ZHX2: variants seen among roughly 807,000 people sequenced by gnomAD.
ZHX2 encodes the protein zinc fingers and homeoboxes 2, also known as zinc fingers and homeoboxes protein 2.
A neutral mutation model predicts 21.9 loss-of-function variants in ZHX2; 6 were observed. The ratio of observed to expected loss-of-function variants is 0.27; its 90% CI spans 0.15 to 0.54. ZHX2 has a LOEUF of 0.54. ZHX2 is among the 20% of genes least tolerant of loss of function. The pLI, the probability that ZHX2 is intolerant of heterozygous loss-of-function variation, is 0.95. For missense variants in ZHX2, 908 were observed against 1,090.7 expected, an observed-to-expected ratio of 0.83 and a Z score of 2.36; for synonymous variants, 434 against 437.1, an observed-to-expected ratio of 0.99 and a Z score of 0.09.
rs768832868 is a variant in ZHX2, at chr8:122,952,205, T to C, written c.695T>C (p.Val232Ala). The C allele has an allele frequency of 1.2e-6, 2 of 1,612,028 alleles. No homozygotes were observed. Among genetic ancestry groups the C allele is most frequent in the East Asian group, 2.2e-5 (1 of 44,772 alleles). The change falls in exon 3 of 4, where the codon GTG becomes GCG. Residue 232 changes from valine to alanine, a missense_variant. By Grantham distance (64) the Val-to-Ala change is moderately conservative. Coordinates refer to ENST00000314393, the MANE Select transcript of ZHX2 (RefSeq NM_014943.5). This position sits in a 1 kb window ranked among gnomAD's most constrained non-coding sequence, Gnocchi z 6.9. Reference sequence around the variant, plus strand: ...GAGATCCTCTCGAGACTCGGCGGGGTGGAGCTCCTCCAAGACACATTAGGA... The same window carrying C: ...GAGATCCTCTCGAGACTCGGCGGGGCGGAGCTCCTCCAAGACACATTAGGA... ...TAEILSRLGG[V>A]ELLQDTLGHV...
At chr8:122,901,505 G>A (rs899199330) in intron 2 of ZHX2, among the ~76,000 whole-genome samples, 2 of 152,148 alleles carry the variant, frequency 1.3e-5, no homozygotes, top group Non-Finnish European at 2.9e-5. Flanking sequence ...AAACTAAGAT[G>A]GTTCTTTGGC....
At chr8:122,873,331 T>C (rs1819489119) in intron 2 of ZHX2, among the ~76,000 whole-genome samples, 1 of 152,222 alleles carries the variant, frequency 6.6e-6, no homozygotes, top group African/African-American at 2.4e-5. Context: ...ATATTCCACA[T>C]GCGGGTCCCC....
At chr8:122,907,725 A>G (rs1216613656) in intron 2 of ZHX2, among the ~76,000 whole-genome samples, 1 of 152,190 alleles carries the variant, frequency 6.6e-6, no homozygotes, top group Non-Finnish European at 1.5e-5. Context: ...ATGTTTTCCC[A>G]TCTATAAAAT....
chr8:122,885,354 C>T (rs1448139007), intron 2 of ZHX2, among the ~76,000 whole-genome samples: 1 of 152,206 alleles, frequency 6.6e-6, no homozygotes, highest in Admixed American at 6.5e-5. Context: ...GGCCAGTCTG[C>T]ATGCATCAGC....
At chr8:122,856,510 C>G (rs1819026854) in intron 1 of ZHX2, among the ~76,000 whole-genome samples, 1 of 152,096 alleles carries the variant, frequency 6.6e-6, no homozygotes, top group African/African-American at 2.4e-5. Flanking sequence ...TTCCAGTTCA[C>G]TCATATCTCT....
At position 122,952,135 on chromosome 8, in the gene ZHX2, G is replaced by A. The variant is rs202189564; in HGVS notation, c.625G>A (p.Glu209Lys). 3.1e-4 allele frequency: 498 copies of A among 1,613,646 alleles called. 5 individuals carry two copies. The South Asian group carries it at 4.2e-3, about 14-fold the overall frequency. Residue 209 changes from glutamate (E) to lysine (K), a missense_variant, in exon 3 of 4, where the codon GAG (glutamate) becomes AAG (lysine). By Grantham distance (56) the Glu-to-Lys change is moderately conservative. Transcript: ENST00000314393. The surrounding 1 kb of genome is among the most constrained non-coding windows in gnomAD (Gnocchi z 6.9). Reference protein sequence around the residue: ...VPKKPEEITPENHVEGTARLV... With the variant: ...VPKKPEEITPKNHVEGTARLV... ...CAAGAAGCCCGAGGAGATCACCCCCGAGAACCACGTGGAAGGGACCGCCCG... is the reference window on the plus strand; with the variant it reads ...CAAGAAGCCCGAGGAGATCACCCCCAAGAACCACGTGGAAGGGACCGCCCG...
chr8:122,825,400 CTT>C (rs1010238343), intron 1 of ZHX2, among the ~76,000 whole-genome samples: 1 of 152,148 alleles, frequency 6.6e-6, no homozygotes, highest in Non-Finnish European at 1.5e-5. Flanking sequence ...ATCTCTGGTA[CTT>C]GGTAAGCATG....
chr8:122,869,675 A>G (rs1281234395), intron 2 of ZHX2, among the ~76,000 whole-genome samples: 1 of 152,194 alleles, frequency 6.6e-6, no homozygotes, highest in Non-Finnish European at 1.5e-5. Context: ...GCATCCGTGG[A>G]TCTTACAGTT....
chr8:122,953,974 C>T lies in ZHX2; in HGVS notation c.2464C>T (p.Leu822=), dbSNP rs759161181. 6.2e-7 allele frequency: 1 copy of T among 1,613,204 alleles called. No homozygotes were observed. The highest frequency in any genetic ancestry group is 1.1e-5 in the South Asian group (1 of 90,946). ...SQAAAEGVSE[L]AESDSDCVPA... is the part of the protein sequence containing the mutation. ...GGCTGCGGCAGAAGGTGTGTCGGAA[C>T]TGGCTGAATCAGACTCCGACTGCGT... Residue 822 remains leucine, a synonymous_variant, in exon 3 of 4, where the codon CTG becomes TTG. Transcript: ENST00000314393. This position sits in a 1 kb window ranked among gnomAD's most constrained non-coding sequence, Gnocchi z 4.6.
chr8:122,842,870 G>A (rs1818670672), intron 1 of ZHX2, among the ~76,000 whole-genome samples: 1 of 152,256 alleles, frequency 6.6e-6, no homozygotes. Context: ...CTCAAACTCA[G>A]TGGGCACTGA....
chr8:122,793,555 A>G (rs901502156), intron 1 of ZHX2, among the ~76,000 whole-genome samples: 4 of 152,230 alleles, frequency 2.6e-5, no homozygotes, highest in Admixed American at 2.6e-4. Flanking sequence ...GGGCCCTATC[A>G]TGGCCTTTTT....
chr8:122,885,204 C>G lies in ZHX2; in HGVS notation c.-220+21665C>G, dbSNP rs558462770. Among the ~76,000 whole-genome samples, 3 of 152,320 alleles carry G rather than the reference C, an allele frequency of 2.0e-5. No individual in the cohort carries two copies. The East Asian group carries it at 5.8e-4, about 29-fold the overall frequency. On this transcript the variant is annotated intron_variant, in intron 2 of 3. Transcript: ENST00000314393. Reference sequence around the variant, plus strand: ...GCCTGTCAGAACTTCACTGGCGAGACCTTTCTGGCTCATGGAAGTCACTGG... The same window carrying G: ...GCCTGTCAGAACTTCACTGGCGAGAGCTTTCTGGCTCATGGAAGTCACTGG...
At chr8:122,883,137 C>T (rs1819756652) in intron 2 of ZHX2, among the ~76,000 whole-genome samples, 1 of 152,210 alleles carries the variant, frequency 6.6e-6, no homozygotes, top group Admixed American at 6.5e-5. Context: ...ACCCTCGTTT[C>T]TTCCCACATC....
At chr8:122,907,315 G>T (rs1327538527) in intron 2 of ZHX2, among the ~76,000 whole-genome samples, 2 of 152,140 alleles carry the variant, frequency 1.3e-5, no homozygotes, top group Non-Finnish European at 2.9e-5. Flanking sequence ...CATTGGTTCG[G>T]TCTAGAAAGG....
chr8:122,955,385 C>T lies in ZHX2; in HGVS notation c.*4+1357C>T, dbSNP rs1487376368. 2.0e-5 allele frequency among the ~76,000 whole-genome samples: 3 copies of T among 152,260 alleles called. No homozygotes were observed. In the East Asian group the frequency reaches 5.8e-4, roughly 29 times the overall value. The stretch of plus-strand genomic sequence containing the variant: ...CAAAATATAAAATAAAGGTAAGAAC[C>T]TCCAGAATGATTGATAAGGTCCCAA... On this transcript the variant is annotated intron_variant, in intron 3 of 3. Coordinates refer to ENST00000314393, the MANE Select transcript of ZHX2 (RefSeq NM_014943.5).
At chr8:122,838,573 ATT>A (rs34833602) in intron 1 of ZHX2, among the ~76,000 whole-genome samples, 236 of 117,910 alleles carry the variant, frequency 2.0e-3, no homozygotes, top group African/African-American at 6.8e-3. Context: ...TAGTAATGTG[ATT>A]TTTTTTTTTT....
At chr8:122,935,757 G>T (rs539165510) in intron 2 of ZHX2, among the ~76,000 whole-genome samples, 23 of 151,984 alleles carry the variant, frequency 1.5e-4, no homozygotes, top group African/African-American at 5.5e-4. Flanking sequence ...GGATTGTCTC[G>T]ATCTCCTGAC....
At chr8:122,837,590 T>C (rs1284481626) in intron 1 of ZHX2, among the ~76,000 whole-genome samples, 1 of 152,198 alleles carries the variant, frequency 6.6e-6, no homozygotes, top group Non-Finnish European at 1.5e-5. Context: ...TTAATAGTGC[T>C]AATAGTGCAA....
At chr8:122,799,796 C>T (rs1817681259) in intron 1 of ZHX2, among the ~76,000 whole-genome samples, 1 of 152,234 alleles carries the variant, frequency 6.6e-6, no homozygotes, top group African/African-American at 2.4e-5. Flanking sequence ...ACTCTCAGCC[C>T]TCAGCCTTTG....
Sources: gnomAD v4.1 joint callset for allele counts (sites outside exome capture counted in the v4.1 genomes callset) on GRCh38, gnomAD v4.1.1 for gene constraint, Gnocchi (gnomAD v3.1) non-coding constraint, MANE v1.5 for transcripts, NCBI Gene and HGNC (gene_info 2026-07-23, HGNC 2026-07-21) for gene names.